Variants in SORCS1 observed in about 807,000 individuals in gnomAD.
SORCS1 encodes VPS10 domain-containing receptor SorCS1.
A neutral mutation model predicts 146.1 loss-of-function variants in SORCS1; 60 were observed. The observed-to-expected ratio is 0.41, with a 90% CI of 0.33 to 0.51. The LOEUF (loss-of-function observed/expected upper bound fraction) is 0.51. SORCS1 is among the 20% of genes least tolerant of loss of function. The pLI, the probability that SORCS1 is intolerant of heterozygous loss-of-function variation, is 0.21. For missense variants in SORCS1, 1,352 were observed against 1,487.6 expected (o/e 0.91, Z 1.50); for synonymous variants, 637 against 584.0 (o/e 1.09, Z -1.31).
intron 18 of SORCS1, among the ~76,000 whole-genome samples, chr10:106,643,419 T>G (rs1053566155): frequency 3.9e-5 from 6 of 152,226 alleles, no homozygotes; most frequent in Non-Finnish European, 7.3e-5. Flanking sequence ...ACGTATATAA[T>G]CCAGAGGGTC....
chr10:107,029,960 T>C (rs1958576426), intron 1 of SORCS1, among the ~76,000 whole-genome samples: 2 of 152,146 alleles, frequency 1.3e-5, no homozygotes, highest in Admixed American at 1.3e-4. Flanking sequence ...GCAGATGCGT[T>C]TGGAAGGCAG....
At chr10:106,808,689 A>G (rs1277788367) in intron 3 of SORCS1, among the ~76,000 whole-genome samples, 3 of 152,022 alleles carry the variant, frequency 2.0e-5, no homozygotes, top group African/African-American at 7.2e-5. Context: ...TTTTTAGTAG[A>G]GACGGGGTTT....
At chr10:106,757,621 C>T (rs928572897) in intron 5 of SORCS1, among the ~76,000 whole-genome samples, 2 of 152,160 alleles carry the variant, frequency 1.3e-5, no homozygotes, top group African/African-American at 4.8e-5. Flanking sequence ...CATGCCTTCT[C>T]TAGAAAAATC....
chr10:106,761,104 A>AAAATAAAT (rs537373352), intron 5 of SORCS1, among the ~76,000 whole-genome samples: 8 of 152,050 alleles, frequency 5.3e-5, no homozygotes, highest in Non-Finnish European at 1.2e-4. Flanking sequence ...GAGACTGTCT[A>AAAATAAAT]AAATAAATAA....
At chr10:106,671,131 C>A in intron 16 of SORCS1, 106 bp downstream of exon 16, 1 of 1,462,958 alleles carries the variant, frequency 6.8e-7, no homozygotes, top group Non-Finnish European at 9.3e-7. Context: ...TGAAGCTGGC[C>A]ACTTAGCCCT....
chr10:106,702,534 A>C (rs1297826255), intron 8 of SORCS1, among the ~76,000 whole-genome samples: 8 of 152,214 alleles, frequency 5.3e-5, no homozygotes, highest in Non-Finnish European at 7.3e-5. Flanking sequence ...CAGATGTATC[A>C]AATATTGTGG....
At chr10:106,939,657 C>T (rs1298137859) in intron 2 of SORCS1, among the ~76,000 whole-genome samples, 1 of 152,132 alleles carries the variant, frequency 6.6e-6, no homozygotes, top group African/African-American at 2.4e-5. Context: ...CTAATACATC[C>T]CAGCAGGAGA....
At chr10:107,048,826 A>G (rs1222060319) in intron 1 of SORCS1, among the ~76,000 whole-genome samples, 1 of 152,184 alleles carries the variant, frequency 6.6e-6, no homozygotes, top group Non-Finnish European at 1.5e-5. Flanking sequence ...TGAAGGAGCT[A>G]TTTTGACACA....
At chr10:107,161,593 T>C (rs1010317916) in intron 1 of SORCS1, among the ~76,000 whole-genome samples, 26 of 151,834 alleles carry the variant, frequency 1.7e-4, no homozygotes, top group Admixed American at 1.6e-3. Flanking sequence ...GATGAAAAAA[T>C]CCACATTCAG....
intron 2 of SORCS1, among the ~76,000 whole-genome samples, chr10:106,938,207 C>A (rs1953851186): frequency 6.6e-6 from 1 of 152,018 alleles, no homozygotes; most frequent in East Asian, 1.9e-4. Context: ...GAAGAGGGAC[C>A]AAAATTCAAA....
At chr10:106,613,146 T>C (rs1480398312) in intron 21 of SORCS1, among the ~76,000 whole-genome samples, 1 of 152,228 alleles carries the variant, frequency 6.6e-6, no homozygotes, top group African/African-American at 2.4e-5. Flanking sequence ...TTTGTTTGCA[T>C]GGAAGTTTCA....
At chr10:106,819,936 G>C (rs1947929210) in intron 3 of SORCS1, among the ~76,000 whole-genome samples, 1 of 152,042 alleles carries the variant, frequency 6.6e-6, no homozygotes, top group South Asian at 2.1e-4. Context: ...TCTTCATTGT[G>C]CTCTTTGTAT....
At chr10:107,179,717 G>C in the SORCS1 span, among the ~76,000 whole-genome samples, 1 of 152,008 alleles carries the variant, frequency 6.6e-6, no homozygotes, top group African/African-American at 2.4e-5. Flanking sequence ...TGTATCTTCA[G>C]TGAAATGACT....
At chr10:107,046,139 G>T (rs1959398921) in intron 1 of SORCS1, among the ~76,000 whole-genome samples, 1 of 152,038 alleles carries the variant, frequency 6.6e-6, no homozygotes, top group African/African-American at 2.4e-5. Flanking sequence ...TACAGACAGG[G>T]TTTCACCACG....
At chr10:107,174,367 G>A in the SORCS1 span, among the ~76,000 whole-genome samples, 5 of 151,890 alleles carry the variant, frequency 3.3e-5, no homozygotes, top group African/African-American at 1.2e-4. Context: ...CACCATTCCC[G>A]GCTAATTTTT....
intron 3 of SORCS1, among the ~76,000 whole-genome samples, chr10:106,819,519 G>T (rs1014057453): frequency 6.6e-6 from 1 of 152,072 alleles, no homozygotes; most frequent in African/African-American, 2.4e-5. Context: ...AAAATACAAG[G>T]TATACATATA....
chr10:107,122,818 G>C (rs968662070), intron 1 of SORCS1, among the ~76,000 whole-genome samples: 1 of 152,092 alleles, frequency 6.6e-6, no homozygotes, highest in South Asian at 2.1e-4. Flanking sequence ...GGCATGAAGA[G>C]GAAAAGGAAG....
chr10:106,882,003 C>T (rs571718412), intron 2 of SORCS1, among the ~76,000 whole-genome samples: 13 of 152,210 alleles, frequency 8.5e-5, no homozygotes, highest in Middle Eastern at 3.4e-3. Flanking sequence ...AGATGCTCCA[C>T]GGAGGCAATA....
chr10:106,588,665 TC>T (rs1399312282), intron 24 of SORCS1, among the ~76,000 whole-genome samples: 1 of 151,612 alleles, frequency 6.6e-6, no homozygotes, highest in Non-Finnish European at 1.5e-5. Flanking sequence ...ATCGAGACCA[TC>T]CTGGCCAACA....
Sources: gnomAD v4.1 joint callset for allele counts (sites outside exome capture counted in the v4.1 genomes callset) on GRCh38, gnomAD v4.1.1 for gene constraint, MANE v1.5 for transcripts, NCBI Gene and HGNC (gene_info 2026-07-23, HGNC 2026-07-21) for gene names.